MEAK7: variants seen among roughly 807,000 people sequenced by gnomAD.
MEAK7 encodes the protein MTOR associated protein MEAK7.
MEAK7 carries 68 observed loss-of-function variants against 40.5 expected under a neutral mutation model. That is an observed-to-expected ratio of 1.68 (90% confidence interval 1.38 to 2.06). The LOEUF is 2.06. MEAK7 is among the 30% of genes most tolerant of loss of function. The probability of loss-of-function intolerance (pLI) is 0.00; values close to 1 mark genes in which losing one functional copy is unlikely to be tolerated. For missense variants in MEAK7, 918 were observed against 580.5 expected, an observed-to-expected ratio of 1.58 and a Z score of -5.98; for synonymous variants, 338 against 231.9, an observed-to-expected ratio of 1.46 and a Z score of -4.16.
At chr16:84,486,466 A>G (rs1201068095) in intron 5 of MEAK7, 165 bp downstream of exon 5, 3 of 1,420,688 alleles carry the variant, frequency 2.1e-6, no homozygotes. Context: ...CTGATGTGAT[A>G]AACACCATAG....
chr16:84,496,424 CTCCG>C (rs1486250584), intron 2 of MEAK7, among the ~76,000 whole-genome samples: 2 of 152,174 alleles, frequency 1.3e-5, no homozygotes, highest in African/African-American at 4.8e-5. Context: ...CTACCCCTCC[CTCCG>C]TCTCTGTACA....
At chr16:84,489,251 T>G in intron 4 of MEAK7, 27 bp downstream of exon 4, 1 of 1,610,330 alleles carries the variant, frequency 6.2e-7, no homozygotes, top group Non-Finnish European at 8.5e-7. Flanking sequence ...GCAAAAGACC[T>G]GCATCACCGC....
intron 4 of MEAK7, among the ~76,000 whole-genome samples, chr16:84,488,961 C>T (rs981751602): frequency 6.6e-6 from 1 of 151,916 alleles, no homozygotes; most frequent in African/African-American, 2.4e-5. Context: ...ACTAGAAAGA[C>T]AACAGAAAAT....
chr16:84,480,486 G>T (rs772713964), intron 7 of MEAK7, 43 bp downstream of exon 7: 109 of 1,534,666 alleles, frequency 7.1e-5, no homozygotes, highest in Non-Finnish European at 9.5e-5. Context: ...AGGCCCCCAG[G>T]CTCAAGGGGC....
rs1912697759 is a variant in MEAK7, at chr16:84,482,835, G to C, written c.959-125C>G. 34 of 1,432,370 alleles carry C rather than the reference G, an allele frequency of 2.4e-5. No homozygotes were observed. The East Asian group carries it at 7.8e-4, about 33-fold the overall frequency. 88.7% of individuals were successfully genotyped at this position (1,432,370 alleles called of 1,614,324 possible). On this transcript the variant is annotated intron_variant, in intron 5 of 7. Transcript: ENST00000343629. ...CAAGACCCTTCTCACCCATGTCCAG[G>C]TGTCGGCAGATCAGGGTTTGGGACA...
At chr16:84,488,866 A>G (rs1241704084) in intron 4 of MEAK7, among the ~76,000 whole-genome samples, 1 of 152,240 alleles carries the variant, frequency 6.6e-6, no homozygotes, top group Admixed American at 6.5e-5. Flanking sequence ...CTAGTATTCT[A>G]TCTTAAGAAA....
intron 6 of MEAK7, among the ~76,000 whole-genome samples, chr16:84,482,314 C>T (rs1240143972): frequency 1.3e-5 from 2 of 152,242 alleles, no homozygotes; most frequent in African/African-American, 4.8e-5. Context: ...AGGCTACAAA[C>T]CAATCATCTG....
At position 84,478,637 on chromosome 16, in the gene MEAK7, A is replaced by T. The variant is rs1332912160; in HGVS notation, c.*1276T>A. 1 of 152,222 alleles carries T rather than the reference A, an allele frequency of 6.6e-6. No individual in the cohort carries two copies. Among genetic ancestry groups the T allele is most frequent in the Non-Finnish European group, 1.5e-5 (1 of 68,064 alleles). The allele number at this position is 152,222 out of a possible 1,614,324, so 9.4% of individuals were successfully genotyped here. A position where few individuals can be genotyped will look rare whatever the true frequency, so the allele number is the denominator to read the frequency against. On this transcript the variant is annotated 3_prime_UTR_variant, in exon 8 of 8. Coordinates refer to ENST00000343629, the MANE Select transcript of MEAK7 (RefSeq NM_020947.4). ...TGACTCACCGTGTGTTGTTTTCCAG[A>T]CGTGGGCAGATGGCAGCTCTGCTGA...
chr16:84,490,914 G>C (rs1158852819), intron 3 of MEAK7, among the ~76,000 whole-genome samples: 3 of 152,088 alleles, frequency 2.0e-5, no homozygotes, highest in African/African-American at 7.2e-5. Flanking sequence ...TCGTTTCTGA[G>C]AGAAATTTGT....
chr16:84,489,446 T>G, intron 3 of MEAK7, 24 bp from the exon 4 acceptor site: 1 of 1,589,968 alleles, frequency 6.3e-7, no homozygotes, highest in Non-Finnish European at 8.6e-7. Context: ...ATTTTACCAT[T>G]AAAAACAGTT....
intron 4 of MEAK7, among the ~76,000 whole-genome samples, chr16:84,489,052 A>G (rs1389465958): frequency 6.6e-6 from 1 of 152,236 alleles, no homozygotes; most frequent in East Asian, 1.9e-4. Flanking sequence ...GGAAAAAGGG[A>G]CAAGAGACAA....
At chr16:84,498,729 C>CA (rs949180844) in intron 1 of MEAK7, among the ~76,000 whole-genome samples, 18 of 152,000 alleles carry the variant, frequency 1.2e-4, no homozygotes, top group Middle Eastern at 3.4e-3. Context: ...AAAGGCAGGA[C>CA]AAAAAAATCT....
chr16:84,484,719 G>C (rs1196068269), intron 5 of MEAK7, among the ~76,000 whole-genome samples: 7 of 152,156 alleles, frequency 4.6e-5, no homozygotes, highest in African/African-American at 1.7e-4. Flanking sequence ...TAAAGTCTCA[G>C]ATATTAGAGG....
intron 5 of MEAK7, among the ~76,000 whole-genome samples, chr16:84,485,560 G>A (rs1912960687): frequency 6.6e-6 from 1 of 152,250 alleles, no homozygotes; most frequent in Admixed American, 6.5e-5. Context: ...AAACCCTGGG[G>A]ATGGTGGCCC....
At position 84,480,423 on chromosome 16, in the gene MEAK7, A is replaced by G. The variant is rs775000774; in HGVS notation, c.1257+106T>C. 1.8e-4 allele frequency: 237 copies of G among 1,342,322 alleles called. 2 individuals are homozygous for G. The highest frequency in any genetic ancestry group is 1.2e-3 in the South Asian group (79 of 65,570). 83.2% of individuals were successfully genotyped at this position (1,342,322 alleles called of 1,614,324 possible). ...ATCAGCTACCAGGATCAAATTTGGG[A>G]TAAACTATCTGCAGACAGAAGAGTA... On this transcript the variant is annotated intron_variant, in intron 7 of 7. Transcript: ENST00000343629.
At chr16:84,499,901 G>A (rs909871113) in intron 1 of MEAK7, 1 of 152,246 alleles carries the variant, frequency 6.6e-6, no homozygotes, top group Non-Finnish European at 1.5e-5. Context: ...GCCAGGCACG[G>A]TGGTATGTGC....
intron 3 of MEAK7, among the ~76,000 whole-genome samples, chr16:84,490,653 G>GGGGTGT (rs571630201): frequency 9.6e-6 from 1 of 104,432 alleles, no homozygotes; most frequent in African/African-American, 4.1e-5. Context: ...AGCTAATCAA[G>GGGGTGT]ATGTGTGTGT....
At chr16:84,493,287 C>G (rs925220775) in intron 3 of MEAK7, among the ~76,000 whole-genome samples, 1 of 152,102 alleles carries the variant, frequency 6.6e-6, no homozygotes, top group Non-Finnish European at 1.5e-5. Flanking sequence ...TTACTTTGAT[C>G]CTTTTATAGG....
chr16:84,494,299 G>C (rs1225002235), intron 3 of MEAK7, among the ~76,000 whole-genome samples: 2 of 152,148 alleles, frequency 1.3e-5, no homozygotes, highest in African/African-American at 2.4e-5. Flanking sequence ...ATAAACCATA[G>C]TACACTGGTT....
Sources: gnomAD v4.1 joint callset for allele counts (sites outside exome capture counted in the v4.1 genomes callset) on GRCh38, gnomAD v4.1.1 for gene constraint, MANE v1.5 for transcripts, NCBI Gene and HGNC (gene_info 2026-07-23, HGNC 2026-07-21) for gene names.